Variants in BMPER observed in about 807,000 individuals in gnomAD.
BMPER encodes BMP binding endothelial regulator.
Under a neutral mutation model 87.3 loss-of-function variants are expected in BMPER, and 45 were observed. The observed-to-expected ratio is 0.52, with a 90% CI of 0.41 to 0.66. The LOEUF is 0.66. Ranked by LOEUF, BMPER falls within the 30% of genes least tolerant of loss-of-function variation. BMPER has a pLI of 0.00. For missense variants in BMPER, 784 were observed against 867.5 expected, an observed-to-expected ratio of 0.90 and a Z score of 1.21; for synonymous variants, 326 against 316.2, an observed-to-expected ratio of 1.03 and a Z score of -0.33.
chr7:34,132,353 G>C (rs1193539029), intron 13 of BMPER, among the ~76,000 whole-genome samples: 1 of 150,662 alleles, frequency 6.6e-6, no homozygotes, highest in Non-Finnish European at 1.5e-5. Context: ...ACACCCCAAA[G>C]GCCCCAGGAT....
chr7:33,991,616 T>C (rs1786221544), intron 6 of BMPER, among the ~76,000 whole-genome samples: 1 of 152,218 alleles, frequency 6.6e-6, no homozygotes, highest in Non-Finnish European at 1.5e-5. Flanking sequence ...CTGTATTTCC[T>C]TCAGTTCTGC....
intron 13 of BMPER, among the ~76,000 whole-genome samples, chr7:34,117,942 C>G (rs765532273): frequency 8.5e-5 from 13 of 152,160 alleles, no homozygotes; most frequent in Non-Finnish European, 1.3e-4. Flanking sequence ...AAATTTCTAC[C>G]TTGAATACAT....
At chr7:34,021,818 GCCTCCATCCATC>G (rs1358803221) in intron 6 of BMPER, among the ~76,000 whole-genome samples, 2 of 152,062 alleles carry the variant, frequency 1.3e-5, no homozygotes, top group Non-Finnish European at 2.9e-5. Flanking sequence ...CATACTTGGT[GCCTCCATCCATC>G]CCTCCATCCA....
intron 2 of BMPER, among the ~76,000 whole-genome samples, chr7:33,932,247 C>T (rs1297694269): frequency 6.6e-6 from 1 of 152,178 alleles, no homozygotes; most frequent in Non-Finnish European, 1.5e-5. Flanking sequence ...CTGTAAGCTC[C>T]TCCCCAACAA....
intron 8 of BMPER, among the ~76,000 whole-genome samples, chr7:34,053,421 G>A (rs1168984732): frequency 3.2e-4 from 49 of 152,072 alleles, no homozygotes; most frequent in Admixed American, 2.9e-3. Context: ...TTGGCTCTTC[G>A]ACAGTGTGGG....
At chr7:33,959,562 T>C (rs930344573) in intron 3 of BMPER, among the ~76,000 whole-genome samples, 2 of 152,130 alleles carry the variant, frequency 1.3e-5, no homozygotes, top group African/African-American at 4.8e-5. Flanking sequence ...CCCTGAGCAA[T>C]AGGCACTCCC....
chr7:34,088,481 C>A (rs1789282559), intron 13 of BMPER, among the ~76,000 whole-genome samples: 1 of 152,130 alleles, frequency 6.6e-6, no homozygotes, highest in South Asian at 2.1e-4. Flanking sequence ...CAGTGGAGCT[C>A]CAGAAAGGAC....
chr7:34,118,994 ACTGTCTCT>A (rs1185106874), intron 13 of BMPER, among the ~76,000 whole-genome samples: 1,423 of 89,016 alleles, frequency 0.016, 18 homozygotes, highest in Middle Eastern at 0.051. Context: ...TCTCTCTCTC[ACTGTCTCT>A]CTCTCTCTCT....
chr7:34,116,350 GT>G (rs1562754102), intron 13 of BMPER, among the ~76,000 whole-genome samples: 3 of 152,080 alleles, frequency 2.0e-5, no homozygotes, highest in Non-Finnish European at 2.9e-5. Flanking sequence ...AATACAGTGA[GT>G]TTTTTTTCCA....
intron 13 of BMPER, among the ~76,000 whole-genome samples, chr7:34,139,420 A>G (rs1490735291): frequency 1.3e-5 from 2 of 152,222 alleles, no homozygotes; most frequent in East Asian, 3.8e-4. Context: ...TTCAATATTA[A>G]TATCTTTCAT....
intron 12 of BMPER, among the ~76,000 whole-genome samples, chr7:34,082,848 T>C (rs977940761): frequency 6.6e-6 from 1 of 152,088 alleles, no homozygotes; most frequent in Non-Finnish European, 1.5e-5. Context: ...TTGCCTGCTG[T>C]CTAGGAAAGA....
chr7:34,067,025 C>T (rs975322385), intron 11 of BMPER, among the ~76,000 whole-genome samples: 4 of 152,200 alleles, frequency 2.6e-5, no homozygotes, highest in African/African-American at 9.7e-5. Flanking sequence ...CAGCTTAAAA[C>T]ACAAGTTCAC....
chr7:34,135,129 T>C (rs1308238929), intron 13 of BMPER, among the ~76,000 whole-genome samples: 1 of 152,176 alleles, frequency 6.6e-6, no homozygotes, highest in Non-Finnish European at 1.5e-5. Context: ...AGTGTTGGAA[T>C]GTATAAGTAA....
At chr7:34,088,145 G>A (rs1356143897) in intron 13 of BMPER, among the ~76,000 whole-genome samples, 1 of 152,216 alleles carries the variant, frequency 6.6e-6, no homozygotes, top group Non-Finnish European at 1.5e-5. Context: ...GGATCCTTGT[G>A]CATGGAGATT....
intron 13 of BMPER, among the ~76,000 whole-genome samples, chr7:34,089,886 A>G (rs1167052050): frequency 1.3e-5 from 2 of 152,044 alleles, no homozygotes; most frequent in Non-Finnish European, 2.9e-5. Context: ...AAAAACTACC[A>G]CTTTGTAAAT....
intron 13 of BMPER, among the ~76,000 whole-genome samples, chr7:34,123,971 A>C (rs1790330452): frequency 6.6e-6 from 1 of 152,184 alleles, no homozygotes; most frequent in South Asian, 2.1e-4. Context: ...CACAGCATAT[A>C]ATTTAATGCT....
intron 2 of BMPER, among the ~76,000 whole-genome samples, chr7:33,917,988 C>T (rs11974169): frequency 6.6e-6 from 1 of 152,072 alleles, no homozygotes; most frequent in Non-Finnish European, 1.5e-5. Context: ...CTATAAGAAA[C>T]ATTTTTAGCA....
At chr7:33,939,056 G>T (rs371520022) in intron 3 of BMPER, among the ~76,000 whole-genome samples, 7 of 151,996 alleles carry the variant, frequency 4.6e-5, no homozygotes, top group Non-Finnish European at 8.8e-5. Context: ...GACAAAAAAC[G>T]AGGACAATTG....
At chr7:33,954,221 A>T (rs1785095587) in intron 3 of BMPER, among the ~76,000 whole-genome samples, 1 of 152,144 alleles carries the variant, frequency 6.6e-6, no homozygotes, top group South Asian at 2.1e-4. Context: ...CCATAAACTG[A>T]AAATATGTGA....
Sources: allele counts gnomAD v4.1 joint callset (sites outside exome capture counted in the v4.1 genomes callset), GRCh38; gene constraint gnomAD v4.1.1; transcripts MANE v1.5; gene names NCBI Gene and HGNC (gene_info 2026-07-23, HGNC 2026-07-21).